Variants in KIAA2012 observed in about 807,000 individuals in gnomAD.
The protein encoded by KIAA2012 is KIAA2012.
A neutral mutation model predicts 150.6 loss-of-function variants in KIAA2012; 125 were observed. That is an observed-to-expected ratio of 0.83 (90% CI 0.72 to 0.96). The LOEUF is 0.96. KIAA2012 is among the 40% of genes least tolerant of loss of function. KIAA2012 has a pLI of 0.00. For missense variants in KIAA2012, 1,219 were observed against 1,354.9 expected, an observed-to-expected ratio of 0.90 and a Z score of 1.57; for synonymous variants, 462 against 504.7, an observed-to-expected ratio of 0.92 and a Z score of 1.13.
chr2:202,197,722 G>C (rs1282214076), intron 22 of KIAA2012: 2 of 152,146 alleles, frequency 1.3e-5, no homozygotes, highest in Non-Finnish European at 2.9e-5. Context: ...AAATTAGCCA[G>C]GTGTGGTGGT....
intron 16 of KIAA2012, 142 bp from the exon 17 acceptor site, chr2:202,186,791 G>A: frequency 4.2e-6 from 3 of 711,034 alleles, no homozygotes; most frequent in Non-Finnish European, 6.7e-6. Context: ...GGGATGTGCA[G>A]AAGAAAAAGA....
At chr2:202,197,197 G>A in intron 22 of KIAA2012, 178 bp downstream of exon 22, 1 of 951,686 alleles carries the variant, frequency 1.1e-6, no homozygotes, top group Admixed American at 2.9e-5. Flanking sequence ...GGATTCCTTT[G>A]TAGCTTAATG....
intron 15 of KIAA2012, among the ~76,000 whole-genome samples, chr2:202,178,503 T>C (rs1692044107): frequency 6.6e-6 from 1 of 152,156 alleles, no homozygotes; most frequent in Non-Finnish European, 1.5e-5. Context: ...TTCACCAATG[T>C]ACAACCTCAG....
chr2:202,201,474 T>G, intron 22 of KIAA2012: 1 of 1,597,154 alleles, frequency 6.3e-7, no homozygotes, highest in Non-Finnish European at 8.6e-7. Context: ...GACTGCAAGC[T>G]GAGCAGCACT....
At chr2:202,159,756 C>A (rs1280845328) in intron 14 of KIAA2012, among the ~76,000 whole-genome samples, 1 of 152,176 alleles carries the variant, frequency 6.6e-6, no homozygotes, top group East Asian at 1.9e-4. Context: ...ACAGGAGAAT[C>A]TCTTGAACCC....
intron 21 of KIAA2012, among the ~76,000 whole-genome samples, chr2:202,196,186 C>CTTTTTTTTTTTT (rs869092899): frequency 1.5e-4 from 12 of 79,704 alleles, no homozygotes; most frequent in Non-Finnish European, 2.1e-4. Context: ...CTTTTCTTTT[C>CTTTTTTTTTTTT]TTTTTTTTTT....
chr2:202,174,165 A>G (rs1691949095), intron 15 of KIAA2012, among the ~76,000 whole-genome samples: 1 of 152,100 alleles, frequency 6.6e-6, no homozygotes, highest in Admixed American at 6.6e-5. Context: ...GAGCTTCACC[A>G]TGTTAGTCAG....
intron 13 of KIAA2012, among the ~76,000 whole-genome samples, chr2:202,139,967 C>T (rs1000315711): frequency 2.6e-5 from 4 of 152,164 alleles, no homozygotes; most frequent in East Asian, 1.9e-4. Context: ...CAGTGGCTCA[C>T]GCCTGTAATC....
At chr2:202,099,537 C>A in intron 5 of KIAA2012, 76 bp from the exon 6 acceptor site, 1 of 1,219,510 alleles carries the variant, frequency 8.2e-7, no homozygotes. Context: ...AGCCTAGCCA[C>A]AAGGGCTGTT....
At chr2:202,179,385 G>T in intron 15 of KIAA2012, 1 of 800,194 alleles carries the variant, frequency 1.2e-6, no homozygotes, top group East Asian at 2.8e-5. Context: ...GCTGTAGCTG[G>T]AGGAGCCCTG....
At chr2:202,089,025 T>G (rs574569818) in intron 2 of KIAA2012, among the ~76,000 whole-genome samples, 1 of 152,370 alleles carries the variant, frequency 6.6e-6, no homozygotes, top group African/African-American at 2.4e-5. Flanking sequence ...GGCTGTCTCC[T>G]TCCCACTCTT....
At chr2:202,202,928 TAAGAAAA>T (rs1692557738) in intron 23 of KIAA2012, among the ~76,000 whole-genome samples, 2 of 144,438 alleles carry the variant, frequency 1.4e-5, no homozygotes, top group Non-Finnish European at 3.1e-5. Flanking sequence ...CCCTGTCTCT[TAAGAAAA>T]AAAAAAAAAA....
At chr2:202,106,579 C>T (rs1055592192) in intron 9 of KIAA2012, among the ~76,000 whole-genome samples, 6 of 151,962 alleles carry the variant, frequency 3.9e-5, no homozygotes, top group Non-Finnish European at 5.9e-5. Flanking sequence ...CCCCGCTACT[C>T]GGGTGGCTGA....
chr2:202,089,865 T>C (rs529586690), intron 2 of KIAA2012, among the ~76,000 whole-genome samples: 199 of 152,336 alleles, frequency 1.3e-3, no homozygotes, highest in African/African-American at 4.5e-3. Flanking sequence ...TATATACAAT[T>C]GTCAATATTT....
chr2:202,111,661 A>G (rs1038338977), intron 10 of KIAA2012, among the ~76,000 whole-genome samples: 3 of 151,864 alleles, frequency 2.0e-5, no homozygotes, highest in African/African-American at 4.8e-5. Context: ...GAGTACCTGT[A>G]TGTGCTTGTG....
chr2:202,197,008 G>A lies in KIAA2012; in HGVS notation c.3396G>A (p.Gln1132=). 2 of 1,550,604 alleles carry A rather than the reference G, an allele frequency of 1.3e-6. No individual in the cohort carries two copies. The highest frequency in any genetic ancestry group is 1.7e-6 in the Non-Finnish European group (2 of 1,147,000). The change falls in exon 22 of 24, where the codon CAG becomes CAA. Residue 1132 remains glutamine, a synonymous_variant. Transcript: ENST00000498697. ...TGGAAGAAGCCACGAAACAAGCCCAGGAACAAGCCAGGTACTGGATATTTG... is the reference window on the plus strand; with the variant it reads ...TGGAAGAAGCCACGAAACAAGCCCAAGAACAAGCCAGGTACTGGATATTTG... The part of the protein sequence containing the change: ...LALEEATKQA[Q]EQARQKAALE...
At chr2:202,174,051 TG>T (rs776860877) in intron 15 of KIAA2012, among the ~76,000 whole-genome samples, 1 of 152,138 alleles carries the variant, frequency 6.6e-6, no homozygotes, top group Non-Finnish European at 1.5e-5. Context: ...CTGCAACCTC[TG>T]CCTCCCAGGT....
At chr2:202,189,975 A>G (rs1692296125) in intron 18 of KIAA2012, among the ~76,000 whole-genome samples, 199 bp from the exon 19 acceptor site, 1 of 152,024 alleles carries the variant, frequency 6.6e-6, no homozygotes, top group Non-Finnish European at 1.5e-5. Flanking sequence ...CTGCAGTCCC[A>G]GCTACTCAGG....
At position 202,090,799 on chromosome 2, in the gene KIAA2012, C is replaced by G; in HGVS notation, c.399C>G (p.Tyr133Ter). 1 of 1,550,512 alleles carries G rather than the reference C, an allele frequency of 6.4e-7. No homozygotes were observed. The highest frequency in any genetic ancestry group is 1.2e-5 in the South Asian group (1 of 84,058). The change falls in exon 3 of 24, where the codon TAC becomes TAG. Residue 133 changes from tyrosine to a stop codon, truncating the protein, a stop_gained. Coordinates refer to ENST00000498697, the MANE Select transcript of KIAA2012 (RefSeq NM_001277372.4). LOFTEE classifies it high-confidence loss of function. ...QGEQDRAWQP[Y>*]LHFRSQLESQ... Reference sequence around the variant, plus strand: ...AGCAGGACAGAGCCTGGCAACCATACCTCCACTTCCGAAGCCAGCTGGAGA... The same window carrying G: ...AGCAGGACAGAGCCTGGCAACCATAGCTCCACTTCCGAAGCCAGCTGGAGA...
Sources: gnomAD v4.1 joint callset for allele counts (sites outside exome capture counted in the v4.1 genomes callset) on GRCh38, gnomAD v4.1.1 for gene constraint, MANE v1.5 for transcripts, NCBI Gene and HGNC (gene_info 2026-07-23, HGNC 2026-07-21) for gene names.